The following SLC35F3 variants were observed in gnomAD, a reference collection of about 807,000 sequenced individuals.
SLC35F3 encodes the protein solute carrier family 35 member F3.
SLC35F3 carries 25 observed loss-of-function variants against 49.9 expected under a neutral mutation model. The ratio of observed to expected loss-of-function variants is 0.50; its 90% CI spans 0.37 to 0.70. SLC35F3 has a LOEUF of 0.70. SLC35F3 is among the 30% of genes least tolerant of loss of function. The pLI, the probability that SLC35F3 is intolerant of heterozygous loss-of-function variation, is 0.00. For missense variants in SLC35F3, 525 were observed against 639.8 expected, an observed-to-expected ratio of 0.82 and a Z score of 1.94; for synonymous variants, 275 against 265.4, an observed-to-expected ratio of 1.04 and a Z score of -0.35.
At chr1:233,946,416 TAAGAA>T in intron 2 of SLC35F3, among the ~76,000 whole-genome samples, 1 of 152,354 alleles carries the variant, frequency 6.6e-6, no homozygotes, top group South Asian at 2.1e-4. Flanking sequence ...AAATAAAAAT[TAAGAA>T]AAGATATCGA....
chr1:233,935,189 CTTTTTTTTTTTTTT>C (rs35418747), intron 2 of SLC35F3, among the ~76,000 whole-genome samples: 4,118 of 50,514 alleles, frequency 0.082, 190 homozygotes, highest in Middle Eastern at 0.25. Context: ...TTTCCTTGCC[CTTTTTTTTTTTTTT>C]TTTTTTTTTT....
At chr1:234,120,640 G>A (rs1466166011) in intron 2 of SLC35F3, among the ~76,000 whole-genome samples, 2 of 152,174 alleles carry the variant, frequency 1.3e-5, no homozygotes, top group African/African-American at 2.4e-5. Context: ...CTTGACAGTC[G>A]TTATCAGCCT....
chr1:234,068,907 AT>A lies in SLC35F3; in HGVS notation c.284-162505del, dbSNP rs1368624155. ...TTTTTTATATTTATATATTATATAT[AT>A]TTTTATATGTAATATATTATATATA... On this transcript the variant is annotated intron_variant, in intron 2 of 7. Coordinates refer to ENST00000366618, the MANE Select transcript of SLC35F3 (RefSeq NM_173508.4). Among the ~76,000 whole-genome samples, 27 of 127,118 alleles carry A rather than the reference AT, an allele frequency of 2.1e-4. No homozygotes were observed. The East Asian group carries it at 4.1e-3, about 19-fold the overall frequency. The allele number at this position is 127,118 out of a possible 152,430, so 83.4% of individuals were successfully genotyped here.
chr1:234,182,940 A>G (rs1350575179), intron 2 of SLC35F3, among the ~76,000 whole-genome samples: 2 of 117,474 alleles, frequency 1.7e-5, no homozygotes, highest in African/African-American at 5.2e-5. Flanking sequence ...AATCTTTTCT[A>G]TATTAGGGAT....
chr1:233,939,944 A>C (rs1662394413), intron 2 of SLC35F3, among the ~76,000 whole-genome samples: 1 of 152,188 alleles, frequency 6.6e-6, no homozygotes, highest in Non-Finnish European at 1.5e-5. Flanking sequence ...CTCCTTGTCA[A>C]ATTATATTAA....
intron 3 of SLC35F3, among the ~76,000 whole-genome samples, chr1:234,276,037 C>T (rs536279725): frequency 6.6e-6 from 1 of 152,112 alleles, no homozygotes; most frequent in Non-Finnish European, 1.5e-5. Context: ...CCAGAGCCCA[C>T]ACTCTTCATC....
rs139526745 is a variant in SLC35F3 at position 234,109,710 on chromosome 1, A to G, written c.284-121707A>G. ...AAGTGAGCTCGTACTGTCTGATCTC[A>G]AAGATGGTAGGGAGAGGGGGAGGAC... On this transcript the variant is annotated intron_variant, in intron 2 of 7. Coordinates refer to ENST00000366618, the MANE Select transcript of SLC35F3 (RefSeq NM_173508.4). 1.1e-4 allele frequency among the ~76,000 whole-genome samples: 17 copies of G among 152,312 alleles called. 1 individual carries two copies. The East Asian group carries it at 3.3e-3, about 29-fold the overall frequency.
At position 234,071,188 on chromosome 1, in the gene SLC35F3, C is replaced by T. The variant is rs573383871; in HGVS notation, c.284-160229C>T. Among the ~76,000 whole-genome samples the T allele has an allele frequency of 7.2e-5, 11 of 152,322 alleles. No individual in the cohort carries two copies. In the East Asian group the frequency reaches 7.7e-4, roughly 11 times the overall value. On this transcript the variant is annotated intron_variant, in intron 2 of 7. Transcript: ENST00000366618. ...CAAGTCAAGAATCTATCAATAATAT[C>T]GCTACAACACATGAGTACCTGCTGG...
chr1:234,184,668 C>T (rs529928396), intron 2 of SLC35F3, among the ~76,000 whole-genome samples: 7 of 152,288 alleles, frequency 4.6e-5, no homozygotes, highest in African/African-American at 1.4e-4. Flanking sequence ...AAGGCCAGCA[C>T]ACAGTTTCCA....
intron 3 of SLC35F3, among the ~76,000 whole-genome samples, chr1:234,247,554 C>T (rs915810814): frequency 2.7e-5 from 4 of 150,522 alleles, no homozygotes; most frequent in South Asian, 2.1e-4. Context: ...TTGCCTGGTT[C>T]GTTGTTCAGT....
At chr1:234,128,440 G>A (rs188224944) in intron 2 of SLC35F3, among the ~76,000 whole-genome samples, 287 of 152,306 alleles carry the variant, frequency 1.9e-3, no homozygotes, top group Non-Finnish European at 3.1e-3. Flanking sequence ...GAAGGTGCTG[G>A]CCAGTTGCAT....
chr1:234,191,342 A>G (rs572773728), intron 2 of SLC35F3, among the ~76,000 whole-genome samples: 1 of 152,334 alleles, frequency 6.6e-6, no homozygotes, highest in East Asian at 1.9e-4. Context: ...CTGCTCCTGA[A>G]TGATCACTGG....
chr1:233,936,619 C>G (rs1283043830), intron 2 of SLC35F3, among the ~76,000 whole-genome samples: 2 of 151,740 alleles, frequency 1.3e-5, no homozygotes, highest in African/African-American at 4.8e-5. Context: ...CTCTCCTCCT[C>G]CTCCTCATTC....
chr1:234,171,730 C>T (rs1666402067), intron 2 of SLC35F3, among the ~76,000 whole-genome samples: 1 of 152,032 alleles, frequency 6.6e-6, no homozygotes, highest in Non-Finnish European at 1.5e-5. Flanking sequence ...TACAGCTAGA[C>T]AGGAAGAATA....
At chr1:234,122,803 CT>C (rs1229989429) in intron 2 of SLC35F3, among the ~76,000 whole-genome samples, 1 of 152,150 alleles carries the variant, frequency 6.6e-6, no homozygotes, top group Admixed American at 6.5e-5. Flanking sequence ...TGATCTCATT[CT>C]TTTTTATGGC....
intron 2 of SLC35F3, among the ~76,000 whole-genome samples, chr1:234,035,722 A>T (rs189580902): frequency 1.1e-3 from 167 of 152,176 alleles, no homozygotes; most frequent in African/African-American, 3.7e-3. Context: ...TGAGTTATAA[A>T]TTTCTGTTTT....
intron 2 of SLC35F3, among the ~76,000 whole-genome samples, chr1:233,935,167 A>G (rs955734562): frequency 7.7e-6 from 1 of 130,574 alleles, no homozygotes; most frequent in Non-Finnish European, 1.6e-5. Context: ...ATTTCTTCAC[A>G]ATGAGCTGGG....
intron 3 of SLC35F3, among the ~76,000 whole-genome samples, chr1:234,278,874 T>C (rs1466325746): frequency 6.6e-6 from 1 of 152,190 alleles, no homozygotes; most frequent in Non-Finnish European, 1.5e-5. Context: ...GGTGCCTCTC[T>C]GATACCATCA....
Position 234,140,002 on chromosome 1 carries a change from A to AATAAAATAAAAAAAT in SLC35F3, c.284-91415_284-91414insATAAAATAAAAAAAT. ...AATAAAATAAAATAAAATAAAATAA[A>AATAAAATAAAAAAAT]GTAAGTGACTTGAACACAAGTACTG... is the stretch of plus-strand genomic sequence containing the variant. On this transcript the variant is annotated intron_variant, in intron 2 of 7. Coordinates refer to ENST00000366618, the MANE Select transcript of SLC35F3 (RefSeq NM_173508.4). Among the ~76,000 whole-genome samples the AATAAAATAAAAAAAT allele has an allele frequency of 1.6e-4, 17 of 105,348 alleles. 1 individual carries two copies. Among genetic ancestry groups the AATAAAATAAAAAAAT allele is most frequent in the Non-Finnish European group, 2.4e-4 (10 of 42,138 alleles). The allele number at this position is 105,348 out of a possible 152,430, so 69.1% of individuals were successfully genotyped here. A position where few individuals can be genotyped will look rare whatever the true frequency, so the allele number is the denominator to read the frequency against.
Sources: gnomAD v4.1 joint callset for allele counts (sites outside exome capture counted in the v4.1 genomes callset) on GRCh38, gnomAD v4.1.1 for gene constraint, MANE v1.5 for transcripts, NCBI Gene and HGNC (gene_info 2026-07-23, HGNC 2026-07-21) for gene names.